CNTNAP2: variants seen among roughly 807,000 people sequenced by gnomAD.
CNTNAP2 encodes contactin-associated protein-like 2.
A neutral mutation model predicts 155.2 loss-of-function variants in CNTNAP2; 98 were observed. That is an observed-to-expected ratio of 0.63 (90% confidence interval 0.54 to 0.75). CNTNAP2 has a LOEUF of 0.75. Among genes scored for constraint, CNTNAP2 ranks in the 30% least tolerant of loss-of-function variants. CNTNAP2 has a pLI of 0.00. For synonymous variants in CNTNAP2, 651 were observed against 631.2 expected, an observed-to-expected ratio of 1.03 and a Z score of -0.47; for missense variants, 1,727 against 1,688.1, an observed-to-expected ratio of 1.02 and a Z score of -0.40.
chr7:146,486,899 T>G (rs1240704481), intron 1 of CNTNAP2, among the ~76,000 whole-genome samples: 1 of 152,322 alleles, frequency 6.6e-6, no homozygotes, highest in East Asian at 1.9e-4. Context: ...CCAAGTGTTT[T>G]CTCTAAGAAA....
intron 1 of CNTNAP2, among the ~76,000 whole-genome samples, chr7:146,353,088 G>A (rs939671255): frequency 2.0e-5 from 3 of 151,982 alleles, no homozygotes; most frequent in Admixed American, 6.6e-5. Flanking sequence ...ACTTTACAAC[G>A]AAACTCTTAA....
chr7:147,950,263 G>A (rs1455243097), intron 14 of CNTNAP2, among the ~76,000 whole-genome samples: 2 of 144,870 alleles, frequency 1.4e-5, no homozygotes, highest in Non-Finnish European at 3.0e-5. Context: ...AATTCATACA[G>A]TTGGCTAGCA....
At chr7:147,601,545 C>T (rs10257568) in intron 12 of CNTNAP2, among the ~76,000 whole-genome samples, 2 of 150,836 alleles carry the variant, frequency 1.3e-5, no homozygotes, top group African/African-American at 4.9e-5. Context: ...TGGATGTATA[C>T]GTGCAGGTCA....
chr7:146,390,798 G>A (rs1176460282), intron 1 of CNTNAP2, among the ~76,000 whole-genome samples: 3 of 138,668 alleles, frequency 2.2e-5, no homozygotes, highest in East Asian at 2.1e-4. Flanking sequence ...GCTGGGTGTG[G>A]TGGCTCGCGC....
chr7:147,472,556 T>G (rs1038844947), intron 10 of CNTNAP2, among the ~76,000 whole-genome samples: 1 of 152,068 alleles, frequency 6.6e-6, no homozygotes, highest in Admixed American at 6.5e-5. Flanking sequence ...AAGATCAGTC[T>G]GCCATTTTAT....
chr7:148,130,106 A>G (rs1437409974), intron 16 of CNTNAP2, among the ~76,000 whole-genome samples: 4 of 152,188 alleles, frequency 2.6e-5, no homozygotes, highest in Admixed American at 2.0e-4. Flanking sequence ...TTTTCACTCA[A>G]AAGCCCCCTT....
intron 22 of CNTNAP2, among the ~76,000 whole-genome samples, chr7:148,398,971 C>T (rs1214019909): frequency 1.3e-5 from 2 of 152,222 alleles, no homozygotes; most frequent in Non-Finnish European, 2.9e-5. Flanking sequence ...CACCCTCTCC[C>T]TAGAAACTGG....
intron 18 of CNTNAP2, among the ~76,000 whole-genome samples, chr7:148,194,420 T>C (rs1337193770): frequency 6.6e-6 from 1 of 152,204 alleles, no homozygotes. Flanking sequence ...CTTAGTTTTC[T>C]TTCCCCAATT....
intron 3 of CNTNAP2, among the ~76,000 whole-genome samples, chr7:146,840,728 A>T (rs181857842): frequency 3.6e-4 from 55 of 152,294 alleles, no homozygotes; most frequent in African/African-American, 1.1e-3. Flanking sequence ...TTTTAACTTT[A>T]TCATGAATCA....
At chr7:146,338,949 G>T (rs78568069) in intron 1 of CNTNAP2, among the ~76,000 whole-genome samples, 1 of 152,012 alleles carries the variant, frequency 6.6e-6, no homozygotes, top group African/African-American at 2.4e-5. Context: ...TTGGGAGGCC[G>T]AGGTGGGTGG....
intron 1 of CNTNAP2, among the ~76,000 whole-genome samples, chr7:146,311,086 A>G (rs781627395): frequency 1.3e-5 from 2 of 152,138 alleles, no homozygotes; most frequent in Non-Finnish European, 2.9e-5. Flanking sequence ...AAAAAAAATC[A>G]ATTCATTGTG....
At chr7:146,474,196 T>A (rs1025971136) in intron 1 of CNTNAP2, among the ~76,000 whole-genome samples, 2 of 151,588 alleles carry the variant, frequency 1.3e-5, no homozygotes, top group Non-Finnish European at 2.9e-5. Context: ...TTATTTCAGT[T>A]TCAAAGTGCA....
chr7:148,010,529 AT>A (rs35003853), intron 15 of CNTNAP2, among the ~76,000 whole-genome samples: 2 of 151,644 alleles, frequency 1.3e-5, no homozygotes, highest in African/African-American at 4.8e-5. Flanking sequence ...ATGGAACTCA[AT>A]TTTTTTAATG....
chr7:147,216,237 A>C (rs1454533407), intron 8 of CNTNAP2, among the ~76,000 whole-genome samples: 3 of 151,932 alleles, frequency 2.0e-5, no homozygotes, highest in Admixed American at 6.6e-5. Context: ...CTTGGGTGTC[A>C]TATCTAAAAA....
chr7:147,825,346 G>A (rs973376507), intron 13 of CNTNAP2, among the ~76,000 whole-genome samples: 3 of 152,192 alleles, frequency 2.0e-5, no homozygotes, highest in Non-Finnish European at 4.4e-5. Context: ...ACTGGGGCAA[G>A]CCCTTCTGCT....
intron 15 of CNTNAP2, among the ~76,000 whole-genome samples, chr7:148,086,505 A>G (rs1326126291): frequency 1.3e-5 from 2 of 152,204 alleles, no homozygotes; most frequent in Non-Finnish European, 2.9e-5. Context: ...ATGCATTTCA[A>G]TATGCAAAAC....
intron 17 of CNTNAP2, among the ~76,000 whole-genome samples, chr7:148,164,395 G>A (rs1805609390): frequency 6.6e-6 from 1 of 151,938 alleles, no homozygotes; most frequent in African/African-American, 2.4e-5. Context: ...ACCTAGCCAG[G>A]GCAGCTGTGG....
At chr7:147,727,712 G>A (rs957413636) in intron 13 of CNTNAP2, among the ~76,000 whole-genome samples, 1 of 149,856 alleles carries the variant, frequency 6.7e-6, no homozygotes, top group African/African-American at 2.5e-5. Flanking sequence ...CAGCATCATA[G>A]CTAGGACTGG....
rs140417992 is a variant in CNTNAP2, at chr7:147,457,559, G to GTTTT, written c.1671-28376_1671-28375insTTTT. ...AGACTACAAAGTTCAAGATATGAGA[G>GTTTT]GTTTTTTTTCCTGTTTTTCTTATAT... On this transcript the variant is annotated intron_variant, in intron 10 of 23. Transcript: ENST00000361727. 6.3e-4 allele frequency among the ~76,000 whole-genome samples: 95 copies of GTTTT among 150,328 alleles called. 1 individual carries two copies. The highest frequency in any genetic ancestry group is 4.9e-3 in the East Asian group (25 of 5,080).
Sources: gnomAD v4.1 joint callset for allele counts (sites outside exome capture counted in the v4.1 genomes callset) on GRCh38, gnomAD v4.1.1 for gene constraint, MANE v1.5 for transcripts, NCBI Gene and HGNC (gene_info 2026-07-23, HGNC 2026-07-21) for gene names.